Variants in PHACTR1 observed in about 807,000 individuals in gnomAD.
The protein encoded by PHACTR1 is RPEL repeat containing 1.
In PHACTR1, 16 loss-of-function variants were observed where a neutral mutation model predicts 69.2. That is an observed-to-expected ratio of 0.23 (90% CI 0.16 to 0.35). The LOEUF (loss-of-function observed/expected upper bound fraction) is 0.35, where lower values mean the gene tolerates loss of function less well. Among genes scored for constraint, PHACTR1 ranks in the 10% least tolerant of loss-of-function variants. PHACTR1 has a pLI of 1.00. For synonymous variants in PHACTR1, 312 were observed against 284.5 expected (o/e 1.10, Z -0.97); for missense variants, 510 against 734.7 (o/e 0.69, Z 3.54).
intron 4 of PHACTR1, among the ~76,000 whole-genome samples, chr6:12,822,561 A>T (rs552692601): frequency 6.6e-6 from 1 of 152,322 alleles, no homozygotes; most frequent in Admixed American, 6.5e-5. Context: ...TAAGCAACTA[A>T]TATGTTCCTC....
At chr6:13,216,017 A>G (rs1767621186) in intron 8 of PHACTR1, among the ~76,000 whole-genome samples, 1 of 152,192 alleles carries the variant, frequency 6.6e-6, no homozygotes, top group Admixed American at 6.5e-5. Flanking sequence ...CGAATAGTTT[A>G]TTATTTCTTA....
chr6:13,160,983 T>C (rs1442501948), intron 6 of PHACTR1, among the ~76,000 whole-genome samples: 1 of 152,200 alleles, frequency 6.6e-6, no homozygotes, highest in Non-Finnish European at 1.5e-5. Context: ...TTTAGTTTAT[T>C]ATGTATATAT....
chr6:13,276,720 C>T (rs574486366), intron 11 of PHACTR1, among the ~76,000 whole-genome samples: 2 of 151,836 alleles, frequency 1.3e-5, no homozygotes, highest in South Asian at 2.1e-4. Context: ...TGCAGTGAGC[C>T]GAGATCATGC....
At chr6:13,115,707 G>A (rs373280365) in intron 5 of PHACTR1, among the ~76,000 whole-genome samples, 278 of 152,304 alleles carry the variant, frequency 1.8e-3, no homozygotes, top group African/African-American at 6.5e-3. Context: ...CACGTAGGCT[G>A]TATAAAGGGC....
At chr6:12,728,644 C>T (rs541145243) in intron 3 of PHACTR1, among the ~76,000 whole-genome samples, 1 of 152,222 alleles carries the variant, frequency 6.6e-6, no homozygotes, top group East Asian at 1.9e-4. Flanking sequence ...CTTAACCCAA[C>T]AGGTTATTTT....
chr6:12,812,293 T>G, intron 4 of PHACTR1, among the ~76,000 whole-genome samples: 1 of 152,226 alleles, frequency 6.6e-6, no homozygotes, highest in Non-Finnish European at 1.5e-5. Flanking sequence ...AGCATAATGT[T>G]TCCTAAGTTC....
intron 4 of PHACTR1, among the ~76,000 whole-genome samples, chr6:12,954,641 C>G (rs1582675691): frequency 6.6e-6 from 1 of 152,100 alleles, no homozygotes; most frequent in African/African-American, 2.4e-5. Context: ...AAGGAAAGAA[C>G]TTTTTACAAA....
chr6:13,015,486 A>G (rs1800049536), intron 4 of PHACTR1, among the ~76,000 whole-genome samples: 1 of 152,222 alleles, frequency 6.6e-6, no homozygotes, highest in Non-Finnish European at 1.5e-5. Context: ...CAAATGGATT[A>G]ATCAGATGAC....
intron 4 of PHACTR1, among the ~76,000 whole-genome samples, chr6:12,825,959 A>G (rs1466697658): frequency 2.6e-5 from 4 of 152,246 alleles, no homozygotes; most frequent in African/African-American, 7.2e-5. Context: ...TCACAACTCC[A>G]TGTGTTTTTC....
At chr6:12,896,508 G>A (rs62389954) in intron 4 of PHACTR1, among the ~76,000 whole-genome samples, 37,858 of 152,020 alleles carry the variant, frequency 0.25, 5,017 homozygotes, top group Middle Eastern at 0.37. Flanking sequence ...GATCACGGAG[G>A]CCCACCCCAA....
intron 4 of PHACTR1, among the ~76,000 whole-genome samples, chr6:12,953,245 C>A (rs534898183): frequency 1.3e-5 from 2 of 152,282 alleles, no homozygotes; most frequent in South Asian, 4.1e-4. Context: ...ATCTCTTGAA[C>A]CTGGAAGGTG....
chr6:12,934,234 C>T (rs1789196315), intron 4 of PHACTR1, among the ~76,000 whole-genome samples: 2 of 152,316 alleles, frequency 1.3e-5, no homozygotes, highest in African/African-American at 4.8e-5. Context: ...TTTCCTTTGT[C>T]CAGGTCAGTC....
intron 3 of PHACTR1, among the ~76,000 whole-genome samples, chr6:12,737,499 TTTTATATATGGC>T (rs912864189): frequency 6.6e-6 from 1 of 152,090 alleles, no homozygotes; most frequent in Non-Finnish European, 1.5e-5. Flanking sequence ...TTATATGTGA[TTTTATATATGGC>T]TTTATATATA....
chr6:13,053,305 G>C, intron 4 of PHACTR1, 60 bp from the exon 5 acceptor site: 2 of 1,473,456 alleles, frequency 1.4e-6, no homozygotes, highest in Non-Finnish European at 1.8e-6. Flanking sequence ...CATCTGTGAG[G>C]CTCCCATTTT....
intron 7 of PHACTR1, among the ~76,000 whole-genome samples, chr6:13,195,095 A>C (rs915617214): frequency 1.3e-5 from 2 of 152,226 alleles, no homozygotes. Flanking sequence ...GCAAAACGCC[A>C]GGCGAGTGAT....
chr6:12,860,082 C>T (rs1007619080), intron 4 of PHACTR1, among the ~76,000 whole-genome samples: 1 of 151,852 alleles, frequency 6.6e-6, no homozygotes, highest in African/African-American at 2.4e-5. Flanking sequence ...ATACATGTGC[C>T]ATCGTGGTTT....
intron 5 of PHACTR1, among the ~76,000 whole-genome samples, chr6:13,088,987 A>G (rs1364573143): frequency 6.6e-6 from 1 of 152,202 alleles, no homozygotes; most frequent in Non-Finnish European, 1.5e-5. Flanking sequence ...CAGAAAACAG[A>G]GCAATTTATT....
intron 4 of PHACTR1, among the ~76,000 whole-genome samples, chr6:12,821,595 G>C (rs1776227034): frequency 6.6e-6 from 1 of 151,844 alleles, no homozygotes; most frequent in African/African-American, 2.4e-5. Context: ...ACTCCAATGT[G>C]TAGTCAGTCA....
At chr6:13,034,737 A>G (rs1803041285) in intron 4 of PHACTR1, among the ~76,000 whole-genome samples, 1 of 152,210 alleles carries the variant, frequency 6.6e-6, no homozygotes, top group Non-Finnish European at 1.5e-5. Context: ...CCTGAATTGA[A>G]TCTTTCTTGA....
Sources: gnomAD v4.1 joint callset for allele counts (sites outside exome capture counted in the v4.1 genomes callset) on GRCh38, gnomAD v4.1.1 for gene constraint, MANE v1.5 for transcripts, NCBI Gene and HGNC (gene_info 2026-07-23, HGNC 2026-07-21) for gene names.